Variants in C17orf67 observed in about 807,000 individuals in gnomAD.
C17orf67 encodes the protein chromosome 17 open reading frame 67.
C17orf67 carries 12 observed loss-of-function variants against 11.2 expected under a neutral mutation model. The observed-to-expected ratio is 1.07, with a 90% CI of 0.68 to 1.73. The LOEUF (loss-of-function observed/expected upper bound fraction) is 1.73. Ranked by LOEUF, C17orf67 falls within the 40% of genes most tolerant of loss-of-function variation. The pLI, the probability that C17orf67 is intolerant of heterozygous loss-of-function variation, is 0.00. For missense variants in C17orf67, 115 were observed against 113.5 expected, an observed-to-expected ratio of 1.01 and a Z score of -0.06; for synonymous variants, 59 against 46.9, an observed-to-expected ratio of 1.26 and a Z score of -1.05.
intron 6 of C17orf67, among the ~76,000 whole-genome samples, chr17:56,801,441 G>A (rs1905319464): frequency 6.6e-6 from 1 of 152,128 alleles, no homozygotes; most frequent in Non-Finnish European, 1.5e-5. Flanking sequence ...TAGGAACTCT[G>A]CATTCTACAT....
intron 2 of C17orf67, among the ~76,000 whole-genome samples, chr17:56,830,202 G>A (rs961068173): frequency 1.7e-4 from 26 of 152,064 alleles, no homozygotes; most frequent in African/African-American, 5.1e-4. Flanking sequence ...AAAATTAGCC[G>A]GGCGTGGTGG....
intron 4 of C17orf67, among the ~76,000 whole-genome samples, chr17:56,817,611 G>A (rs1436431662): frequency 6.6e-6 from 1 of 151,880 alleles, no homozygotes; most frequent in African/African-American, 2.4e-5. Context: ...GCATCTCCAT[G>A]CCCAGCTGAT....
chr17:56,795,323 T>A, intron 6 of C17orf67, 143 bp from the exon 7 acceptor site: 1 of 708,238 alleles, frequency 1.4e-6, no homozygotes, highest in Non-Finnish European at 2.5e-6. Context: ...CACCCATGCC[T>A]CTCTGTAGGG....
At chr17:56,805,027 C>T (rs1905411407) in intron 6 of C17orf67, among the ~76,000 whole-genome samples, 1 of 152,174 alleles carries the variant, frequency 6.6e-6, no homozygotes, top group African/African-American at 2.4e-5. Context: ...TTAGTAAATG[C>T]CAATACTGTA....
intron 6 of C17orf67, among the ~76,000 whole-genome samples, chr17:56,806,977 G>C (rs1480319561): frequency 1.3e-5 from 2 of 152,188 alleles, no homozygotes; most frequent in Non-Finnish European, 2.9e-5. Flanking sequence ...GTAAAACAGT[G>C]TATTTTGTTT....
intron 7 of C17orf67, among the ~76,000 whole-genome samples, chr17:56,794,477 G>A (rs1463801045): frequency 2.0e-5 from 3 of 152,090 alleles, no homozygotes; most frequent in Non-Finnish European, 4.4e-5. Context: ...GTACAGAGTT[G>A]GGGGCATGCA....
In C17orf67 at chr17:56,817,344, G is replaced by A. The variant is rs548175222; in HGVS notation, c.-200-1334C>T. The stretch of plus-strand genomic sequence containing the variant: ...AACTGATATTAAACCTGAATGTGCT[G>A]CCCACACAGTCAACATAAAGATATT... On this transcript the variant is annotated intron_variant, in intron 4 of 7. Coordinates refer to ENST00000397861, the MANE Select transcript of C17orf67 (RefSeq NM_001085430.4). Among the ~76,000 whole-genome samples the A allele has an allele frequency of 2.6e-5, 4 of 152,040 alleles. No homozygotes were observed. In the East Asian group the frequency reaches 7.7e-4, roughly 29 times the overall value.
chr17:56,816,055 G>C (rs1450591534), intron 4 of C17orf67, 45 bp from the exon 5 acceptor site: 6 of 605,402 alleles, frequency 9.9e-6, no homozygotes, highest in African/African-American at 1.9e-5. Context: ...TTCAGAGCTT[G>C]AATCTGAAAA....
At chr17:56,792,882 G>A (rs62641991) in intron 7 of C17orf67, among the ~76,000 whole-genome samples, 1,602 of 10,416 alleles carry the variant, frequency 0.15, 3 homozygotes, top group East Asian at 0.42. Context: ...GGTGGTGGTG[G>A]TGGTGGTGAT....
intron 2 of C17orf67, among the ~76,000 whole-genome samples, chr17:56,829,062 C>T (rs2035980888): frequency 6.6e-6 from 1 of 152,122 alleles, no homozygotes; most frequent in African/African-American, 2.4e-5. Context: ...GACAGATCAC[C>T]TGAGTCAGGA....
At chr17:56,823,059 A>C (rs1002745494) in intron 4 of C17orf67, among the ~76,000 whole-genome samples, 1 of 152,268 alleles carries the variant, frequency 6.6e-6, no homozygotes, top group Admixed American at 6.5e-5. Context: ...ACAAAGGAGC[A>C]TTGGCACAGG....
intron 7 of C17orf67, among the ~76,000 whole-genome samples, chr17:56,793,031 G>A (rs567126910): frequency 6.6e-6 from 1 of 151,556 alleles, no homozygotes; most frequent in South Asian, 2.1e-4. Flanking sequence ...AGAACAAGAA[G>A]GAGGAGGAGG....
chr17:56,795,838 G>A (rs972685169), intron 6 of C17orf67, among the ~76,000 whole-genome samples: 2 of 152,174 alleles, frequency 1.3e-5, no homozygotes, highest in African/African-American at 2.4e-5. Context: ...AAATTATACT[G>A]TAGCTATATA....
At chr17:56,793,199 A>C (rs957404905) in intron 7 of C17orf67, among the ~76,000 whole-genome samples, 1 of 152,082 alleles carries the variant, frequency 6.6e-6, no homozygotes, top group Admixed American at 6.5e-5. Context: ...ATAAGGAAGG[A>C]GCCATTACTA....
intron 6 of C17orf67, among the ~76,000 whole-genome samples, chr17:56,795,956 C>T (rs753775766): frequency 2.0e-5 from 3 of 152,168 alleles, no homozygotes; most frequent in Non-Finnish European, 4.4e-5. Flanking sequence ...GTAACTAAAT[C>T]ATGTAATATA....
chr17:56,811,522 G>A (rs1253239065), intron 6 of C17orf67, among the ~76,000 whole-genome samples: 1 of 151,424 alleles, frequency 6.6e-6, no homozygotes, highest in African/African-American at 2.4e-5. Flanking sequence ...AGATAACCTC[G>A]TTAGTGAGCC....
At chr17:56,807,976 C>A (rs1905498456) in intron 6 of C17orf67, among the ~76,000 whole-genome samples, 1 of 151,884 alleles carries the variant, frequency 6.6e-6, no homozygotes, top group Admixed American at 6.6e-5. Flanking sequence ...ACCTACATGC[C>A]TCCAAAAGGG....
chr17:56,805,702 A>G (rs995985476), intron 6 of C17orf67, among the ~76,000 whole-genome samples: 5 of 152,238 alleles, frequency 3.3e-5, no homozygotes, highest in Non-Finnish European at 5.9e-5. Flanking sequence ...ATAACTTAAA[A>G]TATTAAAAGT....
intron 6 of C17orf67, among the ~76,000 whole-genome samples, chr17:56,796,599 G>A (rs767108118): frequency 5.9e-5 from 9 of 152,012 alleles, no homozygotes; most frequent in Non-Finnish European, 1.0e-4. Context: ...TCAGGAACCC[G>A]CTCCAGAACA....
Sources: gnomAD v4.1 joint callset for allele counts (sites outside exome capture counted in the v4.1 genomes callset) on GRCh38, gnomAD v4.1.1 for gene constraint, MANE v1.5 for transcripts, NCBI Gene and HGNC (gene_info 2026-07-23, HGNC 2026-07-21) for gene names.